Variants in CCSER1 observed in about 807,000 individuals in gnomAD.
The protein encoded by CCSER1 is coiled-coil serine rich protein 1.
In CCSER1, 41 loss-of-function variants were observed where a neutral mutation model predicts 82.0. The ratio of observed to expected loss-of-function variants is 0.50; its 90% CI spans 0.39 to 0.65. The LOEUF is 0.65. Among genes scored for constraint, CCSER1 ranks in the 30% least tolerant of loss-of-function variants. The probability of loss-of-function intolerance (pLI) is 0.00; values close to 1 mark genes in which losing one functional copy is unlikely to be tolerated. For synonymous variants in CCSER1, 414 were observed against 383.9 expected (o/e 1.08, Z -0.92); for missense variants, 1,119 against 1,064.2 (o/e 1.05, Z -0.72).
chr4:91,434,858 CAT>C (rs1754551039), intron 10 of CCSER1, among the ~76,000 whole-genome samples: 1 of 152,170 alleles, frequency 6.6e-6, no homozygotes, highest in Non-Finnish European at 1.5e-5. Context: ...TGGTGAAAGA[CAT>C]AGTCCAATGA....
chr4:90,465,951 A>G (rs1435156847), intron 4 of CCSER1, among the ~76,000 whole-genome samples: 1 of 152,194 alleles, frequency 6.6e-6, no homozygotes, highest in African/African-American at 2.4e-5. Flanking sequence ...TACAGTATAT[A>G]TATTCAATTT....
chr4:91,575,189 A>G (rs979156790), intron 10 of CCSER1, among the ~76,000 whole-genome samples: 1 of 152,006 alleles, frequency 6.6e-6, no homozygotes, highest in Non-Finnish European at 1.5e-5. Flanking sequence ...AATGAGATCC[A>G]TATCCATACC....
At chr4:91,463,237 C>T (rs1043242316) in intron 10 of CCSER1, among the ~76,000 whole-genome samples, 2 of 152,184 alleles carry the variant, frequency 1.3e-5, no homozygotes, top group African/African-American at 4.8e-5. Flanking sequence ...TGCTGATACC[C>T]AGGCAAACAG....
chr4:91,304,927 G>A (rs777984630), intron 10 of CCSER1, among the ~76,000 whole-genome samples: 5 of 151,798 alleles, frequency 3.3e-5, no homozygotes, highest in Non-Finnish European at 5.9e-5. Context: ...TCTTATTTCC[G>A]TAGAAAGCAG....
At chr4:91,391,130 G>A (rs1164265437) in intron 10 of CCSER1, among the ~76,000 whole-genome samples, 1 of 151,638 alleles carries the variant, frequency 6.6e-6, no homozygotes, top group Admixed American at 6.6e-5. Flanking sequence ...TATTAAGGTG[G>A]AAACTTAGAT....
At chr4:90,892,444 C>G (rs919541445) in intron 8 of CCSER1, among the ~76,000 whole-genome samples, 3 of 151,932 alleles carry the variant, frequency 2.0e-5, no homozygotes, top group Non-Finnish European at 4.4e-5. Flanking sequence ...ACTACTCCAG[C>G]TTTCCTTTGA....
chr4:90,438,156 A>G (rs1578465483), intron 4 of CCSER1, among the ~76,000 whole-genome samples: 1 of 152,298 alleles, frequency 6.6e-6, no homozygotes, highest in East Asian at 1.9e-4. Context: ...CATTGATGTT[A>G]TTACTAAGGC....
chr4:91,242,134 A>G (rs910492243), intron 10 of CCSER1, among the ~76,000 whole-genome samples: 2 of 152,058 alleles, frequency 1.3e-5, no homozygotes, highest in African/African-American at 4.8e-5. Flanking sequence ...TTAACATGAA[A>G]CCAGATATTT....
chr4:90,671,173 G>T (rs1732729098), intron 6 of CCSER1, among the ~76,000 whole-genome samples: 1 of 152,040 alleles, frequency 6.6e-6, no homozygotes, highest in African/African-American at 2.4e-5. Context: ...TGATAAGGGT[G>T]ATGGCTACTG....
chr4:90,889,298 G>T (rs1331188334), intron 8 of CCSER1, among the ~76,000 whole-genome samples: 3 of 152,044 alleles, frequency 2.0e-5, no homozygotes, highest in African/African-American at 7.2e-5. Flanking sequence ...TATCTACTGG[G>T]TGTAAGAAAT....
intron 4 of CCSER1, among the ~76,000 whole-genome samples, chr4:90,432,756 A>T (rs543840300): frequency 1.3e-5 from 2 of 152,248 alleles, no homozygotes; most frequent in African/African-American, 4.8e-5. Context: ...TGCTGGGCTT[A>T]AATAATAAGA....
At chr4:90,224,830 A>G (rs187548227) in intron 1 of CCSER1, among the ~76,000 whole-genome samples, 80 of 152,306 alleles carry the variant, frequency 5.3e-4, no homozygotes, top group African/African-American at 1.9e-3. Context: ...CAGGATCATA[A>G]TTAGCCTAAT....
Position 90,667,647 on chromosome 4 carries a change from C to T in CCSER1, c.1932+39415C>T, listed in dbSNP as rs560653557. 2.0e-4 allele frequency among the ~76,000 whole-genome samples: 30 copies of T among 152,238 alleles called. No homozygotes were observed. In the South Asian group the frequency reaches 5.4e-3, roughly 27 times the overall value. On this transcript the variant is annotated intron_variant, in intron 6 of 10. Coordinates refer to ENST00000509176, the MANE Select transcript of CCSER1 (RefSeq NM_001145065.2). ...TGAGAATGATGGTTTCCAGCTTCAT[C>T]CATGTCCCTGCAAAGAACATGAACC...
chr4:90,948,975 C>T (rs975620339), intron 9 of CCSER1, among the ~76,000 whole-genome samples: 2 of 151,882 alleles, frequency 1.3e-5, no homozygotes, highest in African/African-American at 4.8e-5. Flanking sequence ...TTATAATTAG[C>T]GTAACAAGAA....
intron 9 of CCSER1, among the ~76,000 whole-genome samples, chr4:91,080,981 A>T (rs2148800250): frequency 6.6e-6 from 1 of 152,336 alleles, no homozygotes. Context: ...CCAGAGGTAC[A>T]AAGAGGAGCT....
chr4:90,636,846 G>A lies in CCSER1; in HGVS notation c.1932+8614G>A, dbSNP rs191851313. On this transcript the variant is annotated intron_variant, in intron 6 of 10. Coordinates refer to ENST00000509176, the MANE Select transcript of CCSER1 (RefSeq NM_001145065.2). ...CTAGCTAGGAATGAGGCAAGAAAAA[G>A]TGTAACAGGCATAAATATTTGAAAG... Among the ~76,000 whole-genome samples, 1,014 of 152,214 alleles carry A rather than the reference G, an allele frequency of 6.7e-3. 12 individuals carry two copies. The highest frequency in any genetic ancestry group is 0.023 in the African/African-American group (940 of 41,526).
At chr4:91,112,637 T>C (rs1726190936) in intron 10 of CCSER1, 1 of 152,160 alleles carries the variant, frequency 6.6e-6, no homozygotes, top group Admixed American at 6.5e-5. Context: ...AAGGTCATTA[T>C]GCAGTCTCTA....
intron 1 of CCSER1, among the ~76,000 whole-genome samples, chr4:90,161,226 G>A (rs1041063323): frequency 1.2e-4 from 18 of 152,116 alleles, no homozygotes; most frequent in Middle Eastern, 3.4e-3. Context: ...ATTCTTCCAA[G>A]TACACAGTAT....
At chr4:90,906,596 C>A (rs577073505) in intron 8 of CCSER1, among the ~76,000 whole-genome samples, 6 of 152,160 alleles carry the variant, frequency 3.9e-5, no homozygotes, top group Non-Finnish European at 5.9e-5. Context: ...TCCTAAAAAA[C>A]CGAATATTTT....
Sources: gnomAD v4.1 joint callset for allele counts (sites outside exome capture counted in the v4.1 genomes callset) on GRCh38, gnomAD v4.1.1 for gene constraint, MANE v1.5 for transcripts, NCBI Gene and HGNC (gene_info 2026-07-23, HGNC 2026-07-21) for gene names.